The following MIPOL1 variants were observed in gnomAD, a reference collection of about 807,000 sequenced individuals.
MIPOL1 encodes the protein mirror-image polydactyly 1.
MIPOL1 carries 57 observed loss-of-function variants against 60.9 expected under a neutral mutation model. That is an observed-to-expected ratio of 0.94 (90% CI 0.76 to 1.17). MIPOL1 has a LOEUF of 1.17. Ranked by LOEUF, MIPOL1 falls within the 50% of genes most tolerant of loss-of-function variation. MIPOL1 has a pLI of 0.00. For synonymous variants in MIPOL1, 179 were observed against 168.8 expected (o/e 1.06, Z -0.47); for missense variants, 551 against 511.6 (o/e 1.08, Z -0.74).
At chr14:37,273,193 A>G (rs762300562) in intron 6 of MIPOL1, among the ~76,000 whole-genome samples, 3 of 151,152 alleles carry the variant, frequency 2.0e-5, no homozygotes, top group Admixed American at 6.6e-5. Flanking sequence ...GGGAAAAACT[A>G]TAGTATGATT....
At chr14:37,442,309 G>T (rs551349002) in intron 11 of MIPOL1, among the ~76,000 whole-genome samples, 2 of 152,066 alleles carry the variant, frequency 1.3e-5, no homozygotes, top group South Asian at 4.2e-4. Flanking sequence ...AAATCATATT[G>T]TCAACAAAGA....
intron 10 of MIPOL1, among the ~76,000 whole-genome samples, chr14:37,380,993 G>A (rs1032217755): frequency 6.6e-6 from 1 of 152,028 alleles, no homozygotes; most frequent in Non-Finnish European, 1.5e-5. Flanking sequence ...TGATGGAAAC[G>A]CTCTATATCG....
intron 11 of MIPOL1, among the ~76,000 whole-genome samples, chr14:37,477,771 C>A (rs1008118881): frequency 8.5e-5 from 13 of 152,184 alleles, no homozygotes; most frequent in Non-Finnish European, 1.6e-4. Flanking sequence ...TACCCAGATT[C>A]CCCTACACAA....
intron 1 of MIPOL1, among the ~76,000 whole-genome samples, chr14:37,211,980 C>G (rs1412414738): frequency 6.6e-6 from 1 of 152,076 alleles, no homozygotes; most frequent in Non-Finnish European, 1.5e-5. Flanking sequence ...GAAGGGAACT[C>G]ACTGCCTTGA....
intron 10 of MIPOL1, among the ~76,000 whole-genome samples, chr14:37,410,290 T>A (rs1015428786): frequency 6.6e-6 from 1 of 152,136 alleles, no homozygotes. Context: ...CATACCAGCA[T>A]GGCACATGTA....
chr14:37,459,094 C>G (rs1020181795), intron 11 of MIPOL1, among the ~76,000 whole-genome samples: 1 of 151,914 alleles, frequency 6.6e-6, no homozygotes, highest in African/African-American at 2.4e-5. Flanking sequence ...TAATGCCACA[C>G]CTCACCCCTA....
intron 1 of MIPOL1, among the ~76,000 whole-genome samples, chr14:37,240,910 G>A (rs1362264529): frequency 2.7e-5 from 4 of 150,330 alleles, no homozygotes; most frequent in Non-Finnish European, 5.9e-5. Flanking sequence ...AGTTTTTAGA[G>A]AAACTACCAG....
rs541383879 is a variant in MIPOL1 at position 37,385,226 on chromosome 14, T to A, written c.936+15602T>A. Among the ~76,000 whole-genome samples, 21 of 152,162 alleles carry A rather than the reference T, an allele frequency of 1.4e-4. No individual in the cohort carries two copies. In the South Asian group the frequency reaches 4.1e-3, roughly 30 times the overall value. On this transcript the variant is annotated intron_variant, in intron 10 of 12. Coordinates refer to ENST00000684589, the MANE Select transcript of MIPOL1 (RefSeq NM_001388067.1). ...GGGTGGTGGAAATTTTTAAAGAAAT[T>A]CCACTTTTTATCTTATGTAATTAAT... is the stretch of plus-strand genomic sequence containing the variant.
chr14:37,477,059 C>A (rs1035735672), intron 11 of MIPOL1, among the ~76,000 whole-genome samples: 1 of 151,782 alleles, frequency 6.6e-6, no homozygotes, highest in African/African-American at 2.4e-5. Context: ...TACCACACGT[C>A]CAGGTAATTT....
intron 7 of MIPOL1, among the ~76,000 whole-genome samples, chr14:37,296,270 C>A (rs2085668808): frequency 6.6e-6 from 1 of 151,904 alleles, no homozygotes; most frequent in Admixed American, 6.6e-5. Flanking sequence ...AACAAAGAAA[C>A]AACATACCAG....
chr14:37,493,205 G>T (rs1440860104), intron 11 of MIPOL1, among the ~76,000 whole-genome samples: 1 of 152,008 alleles, frequency 6.6e-6, no homozygotes, highest in Non-Finnish European at 1.5e-5. Context: ...TGGTATAAAT[G>T]GAAAAATACT....
At chr14:37,526,369 CTTT>C (rs1191140443) in intron 12 of MIPOL1, among the ~76,000 whole-genome samples, 2 of 128,196 alleles carry the variant, frequency 1.6e-5, no homozygotes, top group Admixed American at 7.9e-5. Context: ...TACTTCTTTT[CTTT>C]TTTTTTTTTT....
chr14:37,239,377 C>G (rs1972008972), intron 1 of MIPOL1, among the ~76,000 whole-genome samples: 1 of 152,112 alleles, frequency 6.6e-6, no homozygotes, highest in South Asian at 2.1e-4. Context: ...GACAGAAACA[C>G]TGTGCAACTG....
intron 11 of MIPOL1, among the ~76,000 whole-genome samples, chr14:37,431,878 C>T (rs2094077215): frequency 6.6e-6 from 1 of 152,032 alleles, no homozygotes; most frequent in Non-Finnish European, 1.5e-5. Context: ...AGCCACTACG[C>T]CCGGCCCTGT....
At chr14:37,482,245 A>G (rs2094882463) in intron 11 of MIPOL1, among the ~76,000 whole-genome samples, 4 of 152,226 alleles carry the variant, frequency 2.6e-5, no homozygotes, top group South Asian at 2.1e-4. Context: ...CAAAACACCC[A>G]GTTTAAAAAT....
chr14:37,355,302 G>T (rs2091724856), intron 9 of MIPOL1, among the ~76,000 whole-genome samples: 1 of 114,404 alleles, frequency 8.7e-6, no homozygotes, highest in African/African-American at 3.1e-5. Context: ...GCTTCCCTTT[G>T]TGGGTAACCC....
At chr14:37,372,757 AAAAAAAAAAAAAAAT>A (rs1420057209) in intron 10 of MIPOL1, among the ~76,000 whole-genome samples, 1 of 148,344 alleles carries the variant, frequency 6.7e-6, no homozygotes, top group African/African-American at 2.4e-5. Flanking sequence ...TCCGTCTCAA[AAAAAAAAAAAAAAAT>A]TGCTAGGCAT....
intron 7 of MIPOL1, among the ~76,000 whole-genome samples, chr14:37,295,062 G>A (rs996434203): frequency 1.3e-5 from 2 of 152,166 alleles, no homozygotes; most frequent in African/African-American, 2.4e-5. Context: ...GAGAAAGGTT[G>A]GGTTACCCAC....
chr14:37,210,121 C>A (rs1966696806), intron 1 of MIPOL1, among the ~76,000 whole-genome samples: 1 of 152,068 alleles, frequency 6.6e-6, no homozygotes, highest in African/African-American at 2.4e-5. Context: ...TCACAGCACA[C>A]TAATCAATGT....
Sources: gnomAD v4.1 joint callset for allele counts (sites outside exome capture counted in the v4.1 genomes callset) on GRCh38, gnomAD v4.1.1 for gene constraint, MANE v1.5 for transcripts, NCBI Gene and HGNC (gene_info 2026-07-23, HGNC 2026-07-21) for gene names.